Variants in NCAM2 observed in about 807,000 individuals in gnomAD.
NCAM2 encodes neural cell adhesion molecule 2, also known as N-CAM-2.
NCAM2 carries 30 observed loss-of-function variants against 98.1 expected under a neutral mutation model. That is an observed-to-expected ratio of 0.31 (90% CI 0.23 to 0.41). The LOEUF (loss-of-function observed/expected upper bound fraction) is 0.41. NCAM2 is among the 10% of genes least tolerant of loss of function. The pLI is 1.00. For synonymous variants in NCAM2, 368 were observed against 342.4 expected (o/e 1.07, Z -0.83); for missense variants, 867 against 1,005.8 (o/e 0.86, Z 1.87).
At chr21:21,506,673 G>A (rs1275554448) in intron 15 of NCAM2, among the ~76,000 whole-genome samples, 1 of 152,034 alleles carries the variant, frequency 6.6e-6, no homozygotes, top group Non-Finnish European at 1.5e-5. Flanking sequence ...TCCTCAAGTG[G>A]TTTCATGTGC....
intron 16 of NCAM2, among the ~76,000 whole-genome samples, chr21:21,525,044 T>G (rs532335021): frequency 2.0e-5 from 3 of 152,202 alleles, no homozygotes; most frequent in South Asian, 4.1e-4. Flanking sequence ...TGAATACATA[T>G]ATTAGAATAT....
intron 12 of NCAM2, among the ~76,000 whole-genome samples, chr21:21,461,651 C>T (rs1982990177): frequency 6.6e-6 from 1 of 151,286 alleles, no homozygotes; most frequent in Admixed American, 6.6e-5. Flanking sequence ...TTATTTATAC[C>T]AAAATATGTA....
chr21:21,101,103 C>T (rs775042596), intron 1 of NCAM2, among the ~76,000 whole-genome samples: 77 of 151,914 alleles, frequency 5.1e-4, no homozygotes, highest in Admixed American at 2.8e-3. Context: ...ATATTTAATT[C>T]ATGGGAGGCT....
intron 1 of NCAM2, among the ~76,000 whole-genome samples, chr21:21,156,768 G>C (rs2067626178): frequency 6.6e-6 from 1 of 152,010 alleles, no homozygotes; most frequent in Non-Finnish European, 1.5e-5. Flanking sequence ...ATTATGTACA[G>C]AGCTATGGAT....
intron 11 of NCAM2, among the ~76,000 whole-genome samples, chr21:21,421,510 ACAGT>A (rs1237861351): frequency 6.6e-6 from 1 of 152,134 alleles, no homozygotes; most frequent in Non-Finnish European, 1.5e-5. Flanking sequence ...AATGATTCAG[ACAGT>A]CAGCCTTAGA....
chr21:21,351,927 A>G (rs1159779747), intron 8 of NCAM2, among the ~76,000 whole-genome samples: 1 of 151,576 alleles, frequency 6.6e-6, no homozygotes, highest in African/African-American at 2.4e-5. Context: ...TTTTATTATT[A>G]TTACTAGAGA....
intron 16 of NCAM2, among the ~76,000 whole-genome samples, chr21:21,511,689 T>A (rs1410202968): frequency 6.6e-6 from 1 of 151,998 alleles, no homozygotes; most frequent in East Asian, 1.9e-4. Flanking sequence ...ATAGTGACAG[T>A]ATTAAGTTAC....
intron 12 of NCAM2, among the ~76,000 whole-genome samples, chr21:21,449,737 T>C (rs562939877): frequency 1.6e-4 from 25 of 152,056 alleles, no homozygotes; most frequent in Non-Finnish European, 3.2e-4. Context: ...CATTATTCAC[T>C]CAATGGCTTA....
At chr21:21,314,527 A>G (rs955730416) in intron 5 of NCAM2, among the ~76,000 whole-genome samples, 5 of 152,124 alleles carry the variant, frequency 3.3e-5, no homozygotes, top group Non-Finnish European at 7.4e-5. Context: ...TGTCAGATGC[A>G]TTGATACATA....
intron 11 of NCAM2, among the ~76,000 whole-genome samples, chr21:21,429,169 A>G (rs993669893): frequency 2.6e-5 from 4 of 152,244 alleles, no homozygotes; most frequent in Admixed American, 6.5e-5. Context: ...GTGTCAGCAG[A>G]TCTGAAAACG....
intron 1 of NCAM2, among the ~76,000 whole-genome samples, chr21:21,219,080 G>T (rs1207702216): frequency 6.6e-6 from 1 of 152,186 alleles, no homozygotes; most frequent in South Asian, 2.1e-4. Context: ...TGGCCCACAG[G>T]CCACATGCAG....
At chr21:21,367,691 A>G (rs1255199482) in intron 8 of NCAM2, among the ~76,000 whole-genome samples, 1 of 151,992 alleles carries the variant, frequency 6.6e-6, no homozygotes, top group Non-Finnish European at 1.5e-5. Context: ...TATGTACTTT[A>G]CAGATGCTAA....
At position 21,266,469 on chromosome 21, in the gene NCAM2, AC is replaced by A. The variant is rs367625203; in HGVS notation, c.56-14106del. On this transcript the variant is annotated intron_variant, in intron 1 of 17. Transcript: ENST00000400546. Reference sequence around the variant, plus strand: ...TCACAATAGCAAAGACTTGGAACCAACCCAAATGTCCATAAATGGTAGACGT... The same window carrying A: ...TCACAATAGCAAAGACTTGGAACCAACCAAATGTCCATAAATGGTAGACGT... Among the ~76,000 whole-genome samples, 54 of 152,256 alleles carry A rather than the reference AC, an allele frequency of 3.5e-4. 1 individual carries two copies. The East Asian group carries it at 0.01, about 29-fold the overall frequency.
chr21:21,264,449 G>T (rs1168601821), intron 1 of NCAM2, among the ~76,000 whole-genome samples: 2 of 151,878 alleles, frequency 1.3e-5, no homozygotes, highest in African/African-American at 4.8e-5. Context: ...ATTTCTCAAA[G>T]AGCTAAAAAT....
chr21:21,388,797 A>G (rs903718363), intron 9 of NCAM2, among the ~76,000 whole-genome samples: 1 of 152,236 alleles, frequency 6.6e-6, no homozygotes, highest in Non-Finnish European at 1.5e-5. Flanking sequence ...GGCTTTCCCA[A>G]TACAAATCTA....
intron 1 of NCAM2, among the ~76,000 whole-genome samples, chr21:21,188,258 G>A (rs1280656484): frequency 6.6e-6 from 1 of 152,082 alleles, no homozygotes; most frequent in Non-Finnish European, 1.5e-5. Flanking sequence ...TTTAGATATA[G>A]GTTAAGATCT....
chr21:21,000,808 C>G (rs1407679346), intron 1 of NCAM2, among the ~76,000 whole-genome samples: 1 of 152,066 alleles, frequency 6.6e-6, no homozygotes, highest in African/African-American at 2.4e-5. Context: ...TATCCTCATC[C>G]TGGAGTCCAA....
At chr21:21,107,240 G>T (rs1007468986) in intron 1 of NCAM2, among the ~76,000 whole-genome samples, 1 of 151,778 alleles carries the variant, frequency 6.6e-6, no homozygotes, top group East Asian at 1.9e-4. Context: ...TTGATTAATG[G>T]TTTTCACTTG....
intron 1 of NCAM2, among the ~76,000 whole-genome samples, chr21:21,047,497 CAAG>C (rs1301633242): frequency 2.6e-5 from 4 of 151,876 alleles, no homozygotes; most frequent in African/African-American, 4.8e-5. Flanking sequence ...AAAAGAAAAA[CAAG>C]AAAGTATTCA....
Sources: gnomAD v4.1 joint callset for allele counts (sites outside exome capture counted in the v4.1 genomes callset) on GRCh38, gnomAD v4.1.1 for gene constraint, MANE v1.5 for transcripts, NCBI Gene and HGNC (gene_info 2026-07-23, HGNC 2026-07-21) for gene names.